The following PDE11A variants were observed in gnomAD, a reference collection of about 807,000 sequenced individuals.
PDE11A encodes dual 3',5'-cyclic-AMP and -GMP phosphodiesterase 11A.
In PDE11A, 100 loss-of-function variants were observed where a neutral mutation model predicts 100.5. That is an observed-to-expected ratio of 1.00 (90% CI 0.85 to 1.18). The LOEUF (loss-of-function observed/expected upper bound fraction) is 1.18, where lower values mean the gene tolerates loss of function less well. Among genes scored for constraint, PDE11A ranks in the 50% most tolerant of loss-of-function variants. The probability of loss-of-function intolerance (pLI) is 0.00; values close to 1 mark genes in which losing one functional copy is unlikely to be tolerated. For synonymous variants in PDE11A, 381 were observed against 420.8 expected (o/e 0.91, Z 1.16); for missense variants, 1,141 against 1,152.6 (o/e 0.99, Z 0.15).
At chr2:178,041,271 T>A (rs1341985802) in intron 1 of PDE11A, among the ~76,000 whole-genome samples, 2 of 142,540 alleles carry the variant, frequency 1.4e-5, no homozygotes, top group Non-Finnish European at 3.0e-5. Flanking sequence ...TGAGACAGAG[T>A]CTTGCTCTGT....
At chr2:177,709,035 G>A (rs1469591857) in intron 13 of PDE11A, among the ~76,000 whole-genome samples, 1 of 152,172 alleles carries the variant, frequency 6.6e-6, no homozygotes, top group Non-Finnish European at 1.5e-5. Context: ...GCAGCAGAGA[G>A]ATGTGACTGA....
upstream of PDE11A, among the ~76,000 whole-genome samples, chr2:178,074,794 G>A (rs774261408): frequency 3.3e-5 from 5 of 152,180 alleles, no homozygotes; most frequent in African/African-American, 4.8e-5. Context: ...GCAACATTTC[G>A]AGCTGCGTTT....
In PDE11A at chr2:177,728,019, A is replaced by G; in HGVS notation, c.1935+7T>C. The G allele has an allele frequency of 6.2e-7, 1 of 1,612,284 alleles. No individual in the cohort carries two copies. Among genetic ancestry groups the G allele is most frequent in the Non-Finnish European group, 8.5e-7 (1 of 1,178,590 alleles). On this transcript the variant is annotated splice_region_variant and intron_variant, in intron 11 of 19. Coordinates refer to ENST00000286063, the MANE Select transcript of PDE11A (RefSeq NM_016953.4). ...ACTGCTTGGATCACCCAAGACAGAC[A>G]TCTTACCTCATAGTCAATTTTAAAT... is the stretch of plus-strand genomic sequence containing the variant.
At chr2:178,077,575 G>A (rs6710329), upstream of PDE11A, among the ~76,000 whole-genome samples, 28,281 of 151,974 alleles carry the variant, frequency 0.19, 2,657 homozygotes, top group South Asian at 0.22. Flanking sequence ...CATAACAAAC[G>A]TAAAAATGGC....
At chr2:177,967,080 T>C (rs369902711) in intron 2 of PDE11A, among the ~76,000 whole-genome samples, 3 of 152,128 alleles carry the variant, frequency 2.0e-5, no homozygotes, top group Admixed American at 6.6e-5. Flanking sequence ...TTCATTCCTG[T>C]ATGTTTCCAG....
intron 13 of PDE11A, 109 bp downstream of exon 13, chr2:177,711,660 C>T: frequency 4.1e-6 from 3 of 728,558 alleles, no homozygotes; most frequent in South Asian, 1.5e-5. Context: ...GCCTGCATGG[C>T]CTTGGCCTCG....
At chr2:177,920,473 T>C (rs1282317774) in intron 2 of PDE11A, among the ~76,000 whole-genome samples, 2 of 152,076 alleles carry the variant, frequency 1.3e-5, no homozygotes, top group Admixed American at 6.5e-5. Context: ...CAATGAGCTA[T>C]CAGATTTCTC....
intron 2 of PDE11A, among the ~76,000 whole-genome samples, chr2:177,968,033 T>C (rs532452666): frequency 4.6e-5 from 7 of 152,234 alleles, no homozygotes; most frequent in Admixed American, 2.6e-4. Context: ...TCAAGCCACA[T>C]TGATTTCAAT....
chr2:177,639,584 A>G (rs916499691), intron 19 of PDE11A, among the ~76,000 whole-genome samples: 8 of 152,182 alleles, frequency 5.3e-5, no homozygotes, highest in Non-Finnish European at 1.0e-4. Context: ...CACATCTAGA[A>G]TGAGCCACTT....
rs182729312 is a variant in PDE11A, at chr2:178,035,100, T to A, written c.913-20640A>T. On this transcript the variant is annotated intron_variant, in intron 1 of 19. Coordinates refer to ENST00000286063, the MANE Select transcript of PDE11A (RefSeq NM_016953.4). ...AATGAATCCAGGAGCTGTTTTTTTT[T>A]AAACATTAACAAAATAGATGGACCA... Among the ~76,000 whole-genome samples the A allele has an allele frequency of 9.7e-3, 1,476 of 151,642 alleles. 19 individuals are homozygous for A. The highest frequency in any genetic ancestry group is 0.034 in the African/African-American group (1,402 of 41,378).
Position 177,769,374 on chromosome 2 carries a change from C to T in PDE11A, c.1738-1G>A. ...AACATGTTGCATGGTATGATAGCAC[C>T]TGATTCAGAAGAAAAAAAAATAATT... is the stretch of plus-strand genomic sequence containing the variant. On this transcript the variant is annotated splice_acceptor_variant, in intron 9 of 19. Transcript: ENST00000286063. LOFTEE classifies it high-confidence loss of function. 1 of 1,563,852 alleles carries T rather than the reference C, an allele frequency of 6.4e-7. No homozygotes were observed. Among genetic ancestry groups the T allele is most frequent in the Non-Finnish European group, 8.8e-7 (1 of 1,134,614 alleles).
chr2:177,881,548 T>C lies in PDE11A; in HGVS notation c.1303-5625A>G, dbSNP rs557747949. The stretch of plus-strand genomic sequence containing the variant: ...GTCATCAGATTATTTGGCAAGGCAA[T>C]ATACATGTGGCATTAGTCCGTGATG... On this transcript the variant is annotated intron_variant, in intron 4 of 19. Transcript: ENST00000286063. 2.6e-5 allele frequency among the ~76,000 whole-genome samples: 4 copies of C among 152,308 alleles called. No individual in the cohort carries two copies. In the South Asian group the frequency reaches 6.2e-4, roughly 24 times the overall value.
chr2:178,031,975 CA>C (rs1426302383), intron 1 of PDE11A, among the ~76,000 whole-genome samples: 1 of 151,914 alleles, frequency 6.6e-6, no homozygotes, highest in African/African-American at 2.4e-5. Flanking sequence ...GTAATACAGG[CA>C]TAGATTAATA....
chr2:177,846,800 T>G (rs753567059), intron 5 of PDE11A, among the ~76,000 whole-genome samples: 1 of 152,198 alleles, frequency 6.6e-6, no homozygotes, highest in African/African-American at 2.4e-5. Flanking sequence ...TGGCCCTCCT[T>G]CAAGCTTTTC....
At chr2:177,790,384 T>C (rs113267223) in intron 9 of PDE11A, among the ~76,000 whole-genome samples, 22,781 of 149,800 alleles carry the variant, frequency 0.15, 1,686 homozygotes, top group Non-Finnish European at 0.17. Flanking sequence ...ATACAAAAAT[T>C]AATTCAAGAT....
intron 6 of PDE11A, among the ~76,000 whole-genome samples, chr2:177,830,763 C>G (rs1051488474): frequency 1.3e-4 from 20 of 151,758 alleles, no homozygotes; most frequent in African/African-American, 4.6e-4. Flanking sequence ...ACCCTGTTCC[C>G]ATGGAGCAGA....
chr2:177,983,764 C>T (rs145792995), intron 2 of PDE11A, among the ~76,000 whole-genome samples: 3 of 152,078 alleles, frequency 2.0e-5, no homozygotes, highest in Non-Finnish European at 4.4e-5. Context: ...GCAAGATAGC[C>T]AGAAAACTAA....
At chr2:177,851,461 A>G (rs1017261264) in intron 5 of PDE11A, among the ~76,000 whole-genome samples, 1 of 152,098 alleles carries the variant, frequency 6.6e-6, no homozygotes, top group African/African-American at 2.4e-5. Flanking sequence ...GGTGCAGCAC[A>G]CCAACATGGC....
intron 2 of PDE11A, among the ~76,000 whole-genome samples, chr2:178,094,468 G>A (rs576049411): frequency 1.3e-5 from 2 of 152,282 alleles, no homozygotes; most frequent in East Asian, 1.9e-4. Flanking sequence ...GGATGTCAAG[G>A]CTGCAATGAG....
Sources: gnomAD v4.1 joint callset for allele counts (sites outside exome capture counted in the v4.1 genomes callset) on GRCh38, gnomAD v4.1.1 for gene constraint, MANE v1.5 for transcripts, NCBI Gene and HGNC (gene_info 2026-07-23, HGNC 2026-07-21) for gene names.